The following SHROOM3 variants were observed in gnomAD, a reference collection of about 807,000 sequenced individuals.
The protein encoded by SHROOM3 is protein Shroom3.
A neutral mutation model predicts 138.6 loss-of-function variants in SHROOM3; 47 were observed. The ratio of observed to expected loss-of-function variants is 0.34; its 90% CI spans 0.27 to 0.43. The LOEUF (loss-of-function observed/expected upper bound fraction) is 0.43. Ranked by LOEUF, SHROOM3 falls within the 20% of genes least tolerant of loss-of-function variation. The pLI, the probability that SHROOM3 is intolerant of heterozygous loss-of-function variation, is 1.00. For synonymous variants in SHROOM3, 1,062 were observed against 1,063.3 expected (o/e 1.00, Z 0.02); for missense variants, 2,491 against 2,596.5 (o/e 0.96, Z 0.88).
chr4:76,530,747 A>G lies in SHROOM3; in HGVS notation c.169-24862A>G, dbSNP rs868633836. Among the ~76,000 whole-genome samples the G allele has an allele frequency of 2.0e-5, 3 of 152,190 alleles. No individual in the cohort carries two copies. In the South Asian group the frequency reaches 6.2e-4, roughly 32 times the overall value. On this transcript the variant is annotated intron_variant, in intron 1 of 10. Coordinates refer to ENST00000296043, the MANE Select transcript of SHROOM3 (RefSeq NM_020859.4). ...TTCCCGTGCCTGTACAAGCTTCCATAAATGGAACATGTAGCAGAGAGGACC... is the reference window on the plus strand; with the variant it reads ...TTCCCGTGCCTGTACAAGCTTCCATGAATGGAACATGTAGCAGAGAGGACC...
intron 2 of SHROOM3, among the ~76,000 whole-genome samples, chr4:76,656,975 C>T (rs1736076623): frequency 6.6e-6 from 1 of 152,040 alleles, no homozygotes; most frequent in Non-Finnish European, 1.5e-5. Flanking sequence ...AGTTCGAGAC[C>T]AGCCTGGCCG....
At position 76,469,502 on chromosome 4, in the gene SHROOM3, G is replaced by T. The variant is rs1378353466; in HGVS notation, c.168+33282G>T. On this transcript the variant is annotated intron_variant, in intron 1 of 10. Coordinates refer to ENST00000296043, the MANE Select transcript of SHROOM3 (RefSeq NM_020859.4). ...GACAGAGTCTCACTGTGTTGTGCAG[G>T]CTGGAGTACAGTGGCGCAATCTCAG... Among the ~76,000 whole-genome samples, 7 of 152,048 alleles carry T rather than the reference G, an allele frequency of 4.6e-5. No homozygotes were observed. The East Asian group carries it at 1.2e-3, about 25-fold the overall frequency.
At chr4:76,491,582 A>G (rs1306852756) in intron 1 of SHROOM3, among the ~76,000 whole-genome samples, 1 of 152,198 alleles carries the variant, frequency 6.6e-6, no homozygotes. Flanking sequence ...TTTCAAATGC[A>G]AGGATACCAT....
chr4:76,451,480 T>G (rs1730924823), intron 1 of SHROOM3, among the ~76,000 whole-genome samples: 1 of 152,184 alleles, frequency 6.6e-6, no homozygotes, highest in Non-Finnish European at 1.5e-5. Flanking sequence ...GTGAAAGAAA[T>G]CAGACCAATC....
At chr4:76,602,276 T>C (rs1734522306) in intron 2 of SHROOM3, among the ~76,000 whole-genome samples, 1 of 151,188 alleles carries the variant, frequency 6.6e-6, no homozygotes, top group South Asian at 2.1e-4. Context: ...TAAGAATAAC[T>C]AAAAAAAAAT....
At chr4:76,463,732 T>A (rs1731189627) in intron 1 of SHROOM3, among the ~76,000 whole-genome samples, 1 of 152,194 alleles carries the variant, frequency 6.6e-6, no homozygotes, top group African/African-American at 2.4e-5. Flanking sequence ...CTGTGGCTGC[T>A]CCAGCTCCAG....
rs545584737 is a variant in SHROOM3, at chr4:76,772,109, T to C, written c.5622+1211T>C. On this transcript the variant is annotated intron_variant, in intron 10 of 10. Coordinates refer to ENST00000296043, the MANE Select transcript of SHROOM3 (RefSeq NM_020859.4). ...TACCATCTTTTTTCTTTTTCTTTTT[T>C]TTTTTTTTTTTTGAGACAGAGTCTC... is the stretch of plus-strand genomic sequence containing the variant. Among the ~76,000 whole-genome samples, 222 of 140,522 alleles carry C rather than the reference T, an allele frequency of 1.6e-3. 1 individual carries two copies. Among genetic ancestry groups the C allele is most frequent in the African/African-American group, 5.1e-3 (201 of 39,326 alleles). The allele number at this position is 140,522 out of a possible 152,430, so 92.2% of individuals were successfully genotyped here. A position where few individuals can be genotyped will look rare whatever the true frequency, so the allele number is the denominator to read the frequency against.
chr4:76,482,874 A>G (rs1579184997), intron 1 of SHROOM3, among the ~76,000 whole-genome samples: 1 of 152,206 alleles, frequency 6.6e-6, no homozygotes, highest in East Asian at 1.9e-4. Context: ...ATCTTTGACA[A>G]ACCTGACAAA....
At chr4:76,676,169 A>C (rs546511836) in intron 2 of SHROOM3, among the ~76,000 whole-genome samples, 1 of 152,316 alleles carries the variant, frequency 6.6e-6, no homozygotes, top group South Asian at 2.1e-4. Flanking sequence ...AGTACCAAAA[A>C]TTTGGTTCAT....
chr4:76,459,200 C>A (rs1487948342), intron 1 of SHROOM3, among the ~76,000 whole-genome samples: 1 of 152,140 alleles, frequency 6.6e-6, no homozygotes, highest in African/African-American at 2.4e-5. Flanking sequence ...GCATCCGTGG[C>A]CATCAAACTG....
intron 1 of SHROOM3, among the ~76,000 whole-genome samples, chr4:76,476,941 G>T (rs2109985243): frequency 6.6e-6 from 1 of 152,222 alleles, no homozygotes; most frequent in Middle Eastern, 3.4e-3. Flanking sequence ...GAATGTTCAT[G>T]AACTATATCT....
intron 2 of SHROOM3, among the ~76,000 whole-genome samples, chr4:76,618,957 A>G (rs1308217246): frequency 1.3e-5 from 2 of 152,028 alleles, no homozygotes; most frequent in South Asian, 2.1e-4. Flanking sequence ...AAGTGATTCT[A>G]CTGCCTCAGC....
At position 76,741,330 on chromosome 4, in the gene SHROOM3, A is replaced by G. The variant is rs369425524; in HGVS notation, c.3157A>G (p.Ser1053Gly). 97 of 1,611,322 alleles carry G rather than the reference A, an allele frequency of 6.0e-5. No individual in the cohort carries two copies. Among genetic ancestry groups the G allele is most frequent in the Admixed American group, 2.3e-4 (14 of 59,914 alleles). Residue 1053 changes from serine to glycine, a missense_variant, in exon 5 of 11, where the codon AGC becomes GGC. Coordinates refer to ENST00000296043, the MANE Select transcript of SHROOM3 (RefSeq NM_020859.4). The surrounding 1 kb of genome is among the most constrained non-coding windows in gnomAD (Gnocchi z 6.2). Reference protein sequence around the residue: ...QRNGMRFPESSVADRRRLFER... With the variant: ...QRNGMRFPESGVADRRRLFER... ...AAATGGGATGCGTTTCCCGGAGAGCAGCGTGGCCGACCGGCGCCGTCTCTT... is the reference window on the plus strand; with the variant it reads ...AAATGGGATGCGTTTCCCGGAGAGCGGCGTGGCCGACCGGCGCCGTCTCTT...
intron 3 of SHROOM3, among the ~76,000 whole-genome samples, chr4:76,720,476 G>C (rs1720510190): frequency 6.6e-6 from 1 of 151,954 alleles, no homozygotes; most frequent in Non-Finnish European, 1.5e-5. Flanking sequence ...GTTTTCCATT[G>C]CTATATGTTT....
intron 2 of SHROOM3, among the ~76,000 whole-genome samples, chr4:76,700,394 G>C (rs1255794311): frequency 6.6e-6 from 1 of 152,188 alleles, no homozygotes; most frequent in Non-Finnish European, 1.5e-5. Flanking sequence ...TGGCAACTTT[G>C]AGGACTGATG....
intron 1 of SHROOM3, among the ~76,000 whole-genome samples, chr4:76,549,278 A>G (rs190160959): frequency 2.6e-5 from 4 of 152,316 alleles, no homozygotes; most frequent in Admixed American, 2.0e-4. Context: ...ATGCACCTCA[A>G]TATCTTAATT....
At chr4:76,712,858 C>T (rs1444225393) in intron 3 of SHROOM3, among the ~76,000 whole-genome samples, 1 of 152,196 alleles carries the variant, frequency 6.6e-6, no homozygotes, top group African/African-American at 2.4e-5. Flanking sequence ...GTGACCTACA[C>T]ACCTGGGCCA....
At chr4:76,760,391 A>G (rs535782925) in intron 9 of SHROOM3, among the ~76,000 whole-genome samples, 28 of 152,322 alleles carry the variant, frequency 1.8e-4, no homozygotes, top group Admixed American at 1.2e-3. Flanking sequence ...CACTTTCTCT[A>G]TAGCACCAGA....
intron 6 of SHROOM3, among the ~76,000 whole-genome samples, chr4:76,751,586 TC>T (rs954301139): frequency 6.6e-6 from 1 of 152,154 alleles, no homozygotes; most frequent in African/African-American, 2.4e-5. Flanking sequence ...AGGATACCAA[TC>T]CAACTAAATT....
Sources: gnomAD v4.1 joint callset for allele counts (sites outside exome capture counted in the v4.1 genomes callset) on GRCh38, gnomAD v4.1.1 for gene constraint, Gnocchi (gnomAD v3.1) non-coding constraint, MANE v1.5 for transcripts, NCBI Gene and HGNC (gene_info 2026-07-23, HGNC 2026-07-21) for gene names.